The following CCDC149 variants were observed in gnomAD, a reference collection of about 807,000 sequenced individuals.
CCDC149 encodes coiled-coil domain-containing protein 149.
A neutral mutation model predicts 59.9 loss-of-function variants in CCDC149; 45 were observed. The ratio of observed to expected loss-of-function variants is 0.75; its 90% CI spans 0.59 to 0.96. The LOEUF is 0.96. Ranked by LOEUF, CCDC149 falls within the 40% of genes least tolerant of loss-of-function variation. The pLI is 0.00. For synonymous variants in CCDC149, 245 were observed against 260.6 expected (o/e 0.94, Z 0.58); for missense variants, 584 against 664.7 (o/e 0.88, Z 1.33).
At position 24,855,532 on chromosome 4, in the gene CCDC149, GC is replaced by G. The variant is rs1717946664; in HGVS notation, c.265-2354del. ...GGAGGTTTCAGTGAGCTGAGATCAT[GC>G]CACTGAACTCCAGCCTGGGCAACAA... is the stretch of plus-strand genomic sequence containing the variant. On this transcript the variant is annotated intron_variant, in intron 3 of 12. Coordinates refer to ENST00000635206, the MANE Select transcript of CCDC149 (RefSeq NM_001330643.2). 2.0e-5 allele frequency among the ~76,000 whole-genome samples: 3 copies of G among 146,814 alleles called. No homozygotes were observed. The South Asian group carries it at 6.4e-4, about 31-fold the overall frequency.
At chr4:24,969,577 G>T (rs1238816787) in intron 1 of CCDC149, among the ~76,000 whole-genome samples, 2 of 152,190 alleles carry the variant, frequency 1.3e-5, no homozygotes, top group African/African-American at 4.8e-5. Flanking sequence ...GTCTTTGCAG[G>T]GCTGGAGTTC....
intron 1 of CCDC149, among the ~76,000 whole-genome samples, chr4:24,904,069 C>A (rs560814943): frequency 1.3e-5 from 2 of 152,012 alleles, no homozygotes; most frequent in African/African-American, 2.4e-5. Flanking sequence ...CAAAGTGCTG[C>A]GATTACAGGC....
At chr4:24,946,278 C>T (rs1395585311) in intron 1 of CCDC149, among the ~76,000 whole-genome samples, 1 of 152,170 alleles carries the variant, frequency 6.6e-6, no homozygotes, top group Admixed American at 6.5e-5. Flanking sequence ...GTTCTCCAGC[C>T]TCCTTGAGAT....
At chr4:24,829,921 G>A (rs891357490) in intron 9 of CCDC149, 1 of 152,452 alleles carries the variant, frequency 6.6e-6, no homozygotes, top group African/African-American at 2.4e-5. Flanking sequence ...AAGGCAGCAG[G>A]GTTTAGGAAA....
At chr4:24,804,657 T>C (rs1268417057), downstream of CCDC149, among the ~76,000 whole-genome samples, 1 of 152,188 alleles carries the variant, frequency 6.6e-6, no homozygotes, top group Non-Finnish European at 1.5e-5. Context: ...AGTAAGCAGC[T>C]GGTCTTTGTC....
chr4:24,846,587 T>A (rs112211055), intron 4 of CCDC149, among the ~76,000 whole-genome samples: 1 of 152,178 alleles, frequency 6.6e-6, no homozygotes, highest in South Asian at 2.1e-4. Context: ...TCTTAATTGG[T>A]TTGCTCACCA....
chr4:24,910,624 C>T (rs1040523974), intron 1 of CCDC149, among the ~76,000 whole-genome samples: 1 of 152,174 alleles, frequency 6.6e-6, no homozygotes, highest in African/African-American at 2.4e-5. Flanking sequence ...ACATGGTCTC[C>T]TTCCTTGGGA....
intron 1 of CCDC149, among the ~76,000 whole-genome samples, chr4:24,961,593 T>C (rs890296149): frequency 1.2e-4 from 19 of 152,300 alleles, no homozygotes; most frequent in Admixed American, 2.0e-4. Flanking sequence ...AACAACATGG[T>C]ACTGGTACCA....
At chr4:24,939,235 C>G (rs1389996412) in intron 1 of CCDC149, among the ~76,000 whole-genome samples, 1 of 152,180 alleles carries the variant, frequency 6.6e-6, no homozygotes, top group Non-Finnish European at 1.5e-5. Flanking sequence ...TTGCGGTTCA[C>G]CAATATCTGC....
intron 3 of CCDC149, among the ~76,000 whole-genome samples, chr4:24,870,962 A>C (rs1719003362): frequency 6.6e-6 from 1 of 151,240 alleles, no homozygotes; most frequent in Non-Finnish European, 1.5e-5. Flanking sequence ...GGAGAATGTC[A>C]TGAACCCAGG....
At chr4:24,939,923 C>T (rs1344358043) in intron 1 of CCDC149, among the ~76,000 whole-genome samples, 2 of 152,178 alleles carry the variant, frequency 1.3e-5, no homozygotes, top group East Asian at 1.9e-4. Context: ...GTCTCATTGG[C>T]GTACCTGAAA....
intron 1 of CCDC149, among the ~76,000 whole-genome samples, chr4:24,884,548 T>G (rs942761466): frequency 1.3e-5 from 2 of 152,138 alleles, no homozygotes; most frequent in Non-Finnish European, 2.9e-5. Context: ...TACAGTACAC[T>G]AAACACTTTA....
At chr4:24,936,550 C>T (rs1722783223) in intron 1 of CCDC149, among the ~76,000 whole-genome samples, 1 of 152,160 alleles carries the variant, frequency 6.6e-6, no homozygotes, top group Admixed American at 6.5e-5. Flanking sequence ...TTTATAATTT[C>T]TTTGTGGTAA....
At chr4:24,883,244 T>G (rs1206166031) in intron 1 of CCDC149, among the ~76,000 whole-genome samples, 1 of 151,542 alleles carries the variant, frequency 6.6e-6, no homozygotes, top group Non-Finnish European at 1.5e-5. Context: ...GCAGAAAATA[T>G]CAGGGTGTAT....
chr4:24,954,256 A>T (rs1252308172), intron 1 of CCDC149, among the ~76,000 whole-genome samples: 3 of 152,160 alleles, frequency 2.0e-5, no homozygotes, highest in Non-Finnish European at 4.4e-5. Context: ...TGCTGGGTAC[A>T]GCCCAGGCTT....
At position 24,942,579 on chromosome 4, in the gene CCDC149, T is replaced by C. The variant is rs1722984220; in HGVS notation, c.-65+37490A>G. Among the ~76,000 whole-genome samples, 2 of 152,204 alleles carry C rather than the reference T, an allele frequency of 1.3e-5. 1 individual carries two copies. Among genetic ancestry groups the C allele is most frequent in the South Asian group, 4.1e-4 (2 of 4,832 alleles). ...AGGCAGGAAAAGGAAATAAAGGGCA[T>C]TCAATTAGGAAAATAGGAAGTCGAA... On this transcript the variant is annotated intron_variant, in intron 1 of 12. Coordinates refer to the CCDC149 transcript ENST00000389609.
intron 1 of CCDC149, among the ~76,000 whole-genome samples, chr4:24,929,485 G>GA (rs1722524135): frequency 6.6e-6 from 1 of 152,192 alleles, no homozygotes. Context: ...AAGTAGATGG[G>GA]AAAAAATAGA....
chr4:24,831,853 T>C (rs1042721302), intron 8 of CCDC149, among the ~76,000 whole-genome samples: 3 of 152,226 alleles, frequency 2.0e-5, no homozygotes, highest in Non-Finnish European at 4.4e-5. Context: ...TTCTCAGGAC[T>C]TTCATCAGCA....
At chr4:24,938,386 T>C (rs1310088269) in intron 1 of CCDC149, among the ~76,000 whole-genome samples, 2 of 152,232 alleles carry the variant, frequency 1.3e-5, no homozygotes, top group African/African-American at 4.8e-5. Flanking sequence ...AGACATATCA[T>C]CATTTGACTC....
Sources: gnomAD v4.1 joint callset for allele counts (sites outside exome capture counted in the v4.1 genomes callset) on GRCh38, gnomAD v4.1.1 for gene constraint, MANE v1.5 for transcripts, NCBI Gene and HGNC (gene_info 2026-07-23, HGNC 2026-07-21) for gene names.